The following GUCY1A2 variants were observed in gnomAD, a reference collection of about 807,000 sequenced individuals.
GUCY1A2 encodes the protein guanylate cyclase 1 soluble subunit alpha 2, also known as guanylate cyclase soluble subunit alpha-2.
Under a neutral mutation model 63.5 loss-of-function variants are expected in GUCY1A2, and 27 were observed. That is an observed-to-expected ratio of 0.43 (90% CI 0.31 to 0.59). The LOEUF (loss-of-function observed/expected upper bound fraction) is 0.59, where lower values mean the gene tolerates loss of function less well. Ranked by LOEUF, GUCY1A2 falls within the 20% of genes least tolerant of loss-of-function variation. GUCY1A2 has a pLI of 0.11. For missense variants in GUCY1A2, 768 were observed against 913.3 expected (o/e 0.84, Z 2.05); for synonymous variants, 364 against 343.5 (o/e 1.06, Z -0.66).
chr11:106,832,652 C>T (rs1206838825), intron 4 of GUCY1A2, among the ~76,000 whole-genome samples: 3 of 151,976 alleles, frequency 2.0e-5, no homozygotes, highest in Non-Finnish European at 4.4e-5. Flanking sequence ...AGGAAAATCC[C>T]CTATATAAGG....
chr11:106,726,772 AAGAGC>A (rs1198897891), intron 6 of GUCY1A2, among the ~76,000 whole-genome samples: 3 of 152,196 alleles, frequency 2.0e-5, no homozygotes, highest in Non-Finnish European at 4.4e-5. Context: ...GGATTGGAAT[AAGAGC>A]TAAAGGAAAA....
chr11:106,796,239 G>A (rs1864757632), intron 5 of GUCY1A2, among the ~76,000 whole-genome samples: 1 of 152,164 alleles, frequency 6.6e-6, no homozygotes, highest in African/African-American at 2.4e-5. Flanking sequence ...ACAGCACACT[G>A]ATGGGTCTTG....
intron 6 of GUCY1A2, among the ~76,000 whole-genome samples, chr11:106,750,252 G>A (rs746796713): frequency 6.6e-6 from 1 of 152,060 alleles, no homozygotes; most frequent in African/African-American, 2.4e-5. Flanking sequence ...GGCAGATTTA[G>A]CAAGCCAGCT....
At chr11:106,802,763 A>C (rs1266608497) in intron 5 of GUCY1A2, among the ~76,000 whole-genome samples, 1 of 152,162 alleles carries the variant, frequency 6.6e-6, no homozygotes, top group Non-Finnish European at 1.5e-5. Context: ...AGCAAGCTCA[A>C]GTCACTTCTT....
chr11:107,004,628 G>C (rs546783664), intron 1 of GUCY1A2, among the ~76,000 whole-genome samples: 1 of 152,048 alleles, frequency 6.6e-6, no homozygotes, highest in East Asian at 1.9e-4. Context: ...TTATAAGAGG[G>C]AAGACAGGTA....
intron 6 of GUCY1A2, among the ~76,000 whole-genome samples, chr11:106,743,101 T>A (rs535512622): frequency 6.6e-6 from 1 of 152,282 alleles, no homozygotes; most frequent in African/African-American, 2.4e-5. Context: ...TAAGTTTATA[T>A]ACATATATAT....
At chr11:106,778,416 G>C (rs1435422125) in intron 5 of GUCY1A2, among the ~76,000 whole-genome samples, 1 of 152,150 alleles carries the variant, frequency 6.6e-6, no homozygotes, top group African/African-American at 2.4e-5. Flanking sequence ...CCCTGGCTAC[G>C]ATGTGAGCTT....
chr11:106,929,188 C>T (rs1860568714), intron 4 of GUCY1A2, among the ~76,000 whole-genome samples: 1 of 152,076 alleles, frequency 6.6e-6, no homozygotes. Flanking sequence ...TTCATGGAGG[C>T]TGAAAAATGT....
intron 5 of GUCY1A2, among the ~76,000 whole-genome samples, chr11:106,785,508 C>G (rs536000915): frequency 6.6e-6 from 1 of 151,810 alleles, no homozygotes; most frequent in South Asian, 2.1e-4. Context: ...TATGTTTATA[C>G]TCCTCTCCGC....
intron 5 of GUCY1A2, among the ~76,000 whole-genome samples, chr11:106,792,101 C>T (rs1864673181): frequency 6.6e-6 from 1 of 152,096 alleles, no homozygotes; most frequent in South Asian, 2.1e-4. Flanking sequence ...AGCTTACCCA[C>T]TAACAGCCGG....
chr11:106,945,126 C>T (rs1591337716), intron 3 of GUCY1A2, among the ~76,000 whole-genome samples: 1 of 149,796 alleles, frequency 6.7e-6, no homozygotes, highest in Non-Finnish European at 1.5e-5. Context: ...ACACACACAC[C>T]CCTAAGAATA....
intron 1 of GUCY1A2, among the ~76,000 whole-genome samples, chr11:106,986,482 G>T (rs897000478): frequency 6.6e-6 from 1 of 152,114 alleles, no homozygotes; most frequent in South Asian, 2.1e-4. Flanking sequence ...CATGAGTCAC[G>T]GTTTTTCCTT....
chr11:106,909,889 C>T (rs1199253576), intron 4 of GUCY1A2, among the ~76,000 whole-genome samples: 1 of 151,944 alleles, frequency 6.6e-6, no homozygotes, highest in Non-Finnish European at 1.5e-5. Context: ...ATTTCTGGGT[C>T]ATCTGGTAAT....
chr11:106,747,456 A>G (rs997514864), intron 6 of GUCY1A2, among the ~76,000 whole-genome samples: 3 of 152,194 alleles, frequency 2.0e-5, no homozygotes, highest in African/African-American at 4.8e-5. Context: ...AGTTTTTCAG[A>G]TTGCTATACT....
At chr11:106,715,272 C>T (rs1863194397) in intron 6 of GUCY1A2, among the ~76,000 whole-genome samples, 1 of 152,156 alleles carries the variant, frequency 6.6e-6, no homozygotes, top group Non-Finnish European at 1.5e-5. Context: ...AGCCAAAACT[C>T]TCTTTTAGCT....
chr11:106,765,360 G>A (rs1398705682), intron 6 of GUCY1A2, among the ~76,000 whole-genome samples: 1 of 152,044 alleles, frequency 6.6e-6, no homozygotes, highest in Non-Finnish European at 1.5e-5. Flanking sequence ...TGTTAAGGTG[G>A]AAAGAGTATT....
Position 106,939,659 on chromosome 11 carries a change from C to A in GUCY1A2, c.1007G>T (p.Ser336Ile). ...TTCCCCCAACTGAAGGACTGACATG[C>A]TGGGATCAAACATCAAGTGGAAAGG... is the stretch of plus-strand genomic sequence containing the variant. ...AFPFHLMFDP[S>I]MSVLQLGEGL... Residue 336 changes from serine to isoleucine, a missense_variant, in exon 4 of 8, where the codon AGC (serine) becomes ATC (isoleucine). Around this residue, in one of 3 missense-constraint regions of GUCY1A2, gnomAD observed 496 missense variants for 486.9 expected, o/e 1.02. Coordinates refer to ENST00000526355, the MANE Select transcript of GUCY1A2 (RefSeq NM_000855.3). 6.2e-7 allele frequency: 1 copy of A among 1,613,904 alleles called. No individual in the cohort carries two copies. Among genetic ancestry groups the A allele is most frequent in the Non-Finnish European group, 8.5e-7 (1 of 1,179,838 alleles).
At chr11:106,944,215 C>CAAAAAAAAAAAAAAAAAAA (rs71041701) in intron 3 of GUCY1A2, among the ~76,000 whole-genome samples, 738 of 21,536 alleles carry the variant, frequency 0.034, 138 homozygotes, top group African/African-American at 0.051. Context: ...ACCCTGTCTC[C>CAAAAAAAAAAAAAAAAAAA]AAAAAAAAAA....
intron 3 of GUCY1A2, among the ~76,000 whole-genome samples, chr11:106,945,693 G>A (rs957912023): frequency 7.2e-5 from 11 of 152,202 alleles, no homozygotes; most frequent in African/African-American, 1.4e-4. Context: ...GGCCGGGTGC[G>A]GTGGCTTACG....
Sources: allele counts gnomAD v4.1 joint callset (sites outside exome capture counted in the v4.1 genomes callset), GRCh38; gene constraint gnomAD v4.1.1; regional missense constraint gnomAD v4.1.1; transcripts MANE v1.5; gene names NCBI Gene and HGNC (gene_info 2026-07-23, HGNC 2026-07-21).